SHROOM3: variants seen among roughly 807,000 people sequenced by gnomAD.
The protein encoded by SHROOM3 is shroom family member 3.
SHROOM3 carries 47 observed loss-of-function variants against 138.6 expected under a neutral mutation model. The observed-to-expected ratio is 0.34, with a 90% confidence interval of 0.27 to 0.43. The LOEUF (loss-of-function observed/expected upper bound fraction) is 0.43. Ranked by LOEUF, SHROOM3 falls within the 20% of genes least tolerant of loss-of-function variation. The pLI is 1.00. For synonymous variants in SHROOM3, 1,062 were observed against 1,063.3 expected (o/e 1.00, Z 0.02); for missense variants, 2,491 against 2,596.5 (o/e 0.96, Z 0.88).
chr4:76,442,473 G>A (rs1464153223), intron 1 of SHROOM3, among the ~76,000 whole-genome samples: 1 of 145,666 alleles, frequency 6.9e-6, no homozygotes, highest in African/African-American at 2.6e-5. Context: ...GCAGTGGTGC[G>A]ATCTCGGGTC....
intron 2 of SHROOM3, among the ~76,000 whole-genome samples, chr4:76,612,141 A>G (rs894994530): frequency 6.6e-6 from 1 of 152,076 alleles, no homozygotes; most frequent in African/African-American, 2.4e-5. Context: ...TTGGAGGTAT[A>G]TTTTTCCATC....
At chr4:76,537,089 G>A (rs537532058) in intron 1 of SHROOM3, among the ~76,000 whole-genome samples, 2 of 152,220 alleles carry the variant, frequency 1.3e-5, no homozygotes, top group South Asian at 4.2e-4. Flanking sequence ...CTCCAGCCTG[G>A]GTGACAGAGC....
chr4:76,563,890 G>T (rs78852632), intron 2 of SHROOM3, among the ~76,000 whole-genome samples: 11 of 152,300 alleles, frequency 7.2e-5, no homozygotes, highest in Admixed American at 4.6e-4. Flanking sequence ...AAAAAGGCCC[G>T]ATGCTGTGCT....
chr4:76,446,411 A>C (rs1393560855), intron 1 of SHROOM3, among the ~76,000 whole-genome samples: 2 of 132,844 alleles, frequency 1.5e-5, no homozygotes, highest in Admixed American at 1.5e-4. Context: ...CTGCTCGGTG[A>C]AATGGCGGCG....
intron 4 of SHROOM3, among the ~76,000 whole-genome samples, chr4:76,737,392 G>A (rs1225781770): frequency 6.6e-6 from 1 of 151,948 alleles, no homozygotes; most frequent in African/African-American, 2.4e-5. Context: ...GTAAACATCC[G>A]TGTGTGGGTT....
intron 2 of SHROOM3, among the ~76,000 whole-genome samples, chr4:76,578,961 T>C (rs1299439963): frequency 2.0e-5 from 3 of 152,002 alleles, no homozygotes; most frequent in Non-Finnish European, 4.4e-5. Context: ...ATCTGGGAGT[T>C]TGAGACCAGC....
At chr4:76,750,354 C>T (rs767302282) in intron 6 of SHROOM3, among the ~76,000 whole-genome samples, 2 of 152,144 alleles carry the variant, frequency 1.3e-5, no homozygotes, top group Non-Finnish European at 2.9e-5. Flanking sequence ...AAGATCATGT[C>T]CTTTGCAGCA....
chr4:76,625,444 C>G (rs909528568), intron 2 of SHROOM3, among the ~76,000 whole-genome samples: 2 of 151,920 alleles, frequency 1.3e-5, no homozygotes, highest in African/African-American at 4.8e-5. Context: ...CCCTCTCCCT[C>G]AACCCCTCAC....
At position 76,463,000 on chromosome 4, in the gene SHROOM3, C is replaced by T. The variant is rs1047632571; in HGVS notation, c.168+26780C>T. On this transcript the variant is annotated intron_variant, in intron 1 of 10. Transcript: ENST00000296043. ...AAGGGGGGCATTGCTATAAAGATGCCTGAAAGTGTGGCATCGTCTTTGGAA... is the reference window on the plus strand; with the variant it reads ...AAGGGGGGCATTGCTATAAAGATGCTTGAAAGTGTGGCATCGTCTTTGGAA... Among the ~76,000 whole-genome samples, 8 of 152,106 alleles carry T rather than the reference C, an allele frequency of 5.3e-5. 1 individual carries two copies. Among genetic ancestry groups the T allele is most frequent in the African/African-American group, 1.9e-4 (8 of 41,412 alleles).
intron 1 of SHROOM3, among the ~76,000 whole-genome samples, chr4:76,544,407 CTTTTTTTTTTTTTT>C (rs58799466): frequency 5.3e-5 from 4 of 75,872 alleles, no homozygotes; most frequent in Non-Finnish European, 5.6e-5. Context: ...AGCTCAATGG[CTTTTTTTTTTTTTT>C]TTTTTTTTTT....
intron 10 of SHROOM3, among the ~76,000 whole-genome samples, chr4:76,772,139 C>T (rs565599682): frequency 1.4e-5 from 2 of 146,334 alleles, no homozygotes; most frequent in Admixed American, 6.9e-5. Context: ...AGTCTCACTC[C>T]GTCACCCAGG....
chr4:76,651,401 A>AAT (rs33994270), intron 2 of SHROOM3, among the ~76,000 whole-genome samples: 1,025 of 86,326 alleles, frequency 0.012, 9 homozygotes, highest in African/African-American at 0.017. Context: ...GTAACCCATA[A>AAT]ATATATATAT....
chr4:76,633,350 A>G (rs571646048), intron 2 of SHROOM3, among the ~76,000 whole-genome samples: 49 of 139,022 alleles, frequency 3.5e-4, no homozygotes, highest in Admixed American at 2.3e-3. Flanking sequence ...AAAAAAAAAA[A>G]AAAGAAAAAG....
At chr4:76,553,173 GA>G (rs113060564) in intron 1 of SHROOM3, among the ~76,000 whole-genome samples, 6,423 of 152,234 alleles carry the variant, frequency 0.042, 404 homozygotes, top group African/African-American at 0.14. Flanking sequence ...TTTGTTTTGA[GA>G]CAGAGTCTCG....
intron 2 of SHROOM3, among the ~76,000 whole-genome samples, chr4:76,698,143 T>C (rs344117): frequency 0.34 from 51,111 of 152,030 alleles, 9,547 homozygotes; most frequent in Middle Eastern, 0.5. Context: ...CTTTGGGTGA[T>C]AGCAAAGGTT....
intron 1 of SHROOM3, among the ~76,000 whole-genome samples, chr4:76,531,811 C>T (rs1223637490): frequency 6.6e-6 from 1 of 151,848 alleles, no homozygotes; most frequent in Non-Finnish European, 1.5e-5. Flanking sequence ...GCAAGGCCAT[C>T]AAACAAGTAA....
intron 2 of SHROOM3, among the ~76,000 whole-genome samples, chr4:76,643,946 G>A (rs1422668801): frequency 6.6e-6 from 1 of 151,608 alleles, no homozygotes; most frequent in Non-Finnish European, 1.5e-5. Context: ...CTGGGTTCAA[G>A]CCATTCTCCT....
rs145680715 is a variant in SHROOM3, at chr4:76,462,750, C to A, written c.168+26530C>A. 1.2e-3 allele frequency among the ~76,000 whole-genome samples: 180 copies of A among 150,980 alleles called. 2 individuals carry two copies. The East Asian group carries it at 0.029, about 25-fold the overall frequency. On this transcript the variant is annotated intron_variant, in intron 1 of 10. Transcript: ENST00000296043. ...CCTTTCCCTCTCCATCTCCATCTCC[C>A]TCTCCCTCTCCCTCTCTCCCTCTCC...
chr4:76,453,008 G>A (rs938676248), intron 1 of SHROOM3, among the ~76,000 whole-genome samples: 13 of 152,202 alleles, frequency 8.5e-5, no homozygotes, highest in African/African-American at 2.9e-4. Context: ...GTGAGCCACC[G>A]TGCCCAGCCT....
Sources: gnomAD v4.1 joint callset for allele counts (sites outside exome capture counted in the v4.1 genomes callset) on GRCh38, gnomAD v4.1.1 for gene constraint, MANE v1.5 for transcripts, NCBI Gene and HGNC (gene_info 2026-07-23, HGNC 2026-07-21) for gene names.